Variants in UBE2B observed in about 807,000 individuals in gnomAD.
The protein encoded by UBE2B is ubiquitin-conjugating enzyme E2 B.
A neutral mutation model predicts 24.6 loss-of-function variants in UBE2B; 11 were observed. The observed-to-expected ratio is 0.45, with a 90% confidence interval of 0.28 to 0.74. UBE2B has a LOEUF of 0.74. Among genes scored for constraint, UBE2B ranks in the 30% least tolerant of loss-of-function variants. The pLI is 0.13. For missense variants in UBE2B, 78 were observed against 185.6 expected (o/e 0.42, Z 3.37); for synonymous variants, 68 against 62.4 (o/e 1.09, Z -0.42).
At chr5:134,380,998 G>A (rs1228395837) in intron 4 of UBE2B, among the ~76,000 whole-genome samples, 190 bp downstream of exon 4, 3 of 113,240 alleles carry the variant, frequency 2.6e-5, no homozygotes, top group Admixed American at 1.4e-4. Context: ...ACGGAGTCTC[G>A]CTCTGTCGCC....
chr5:134,382,304 AT>A lies in UBE2B; in HGVS notation c.241+1497del, dbSNP rs373219932. Among the ~76,000 whole-genome samples the A allele has an allele frequency of 4.7e-4, 71 of 150,954 alleles. No individual in the cohort carries two copies. The East Asian group carries it at 8.3e-3, about 18-fold the overall frequency. On this transcript the variant is annotated intron_variant, in intron 4 of 5. Transcript: ENST00000265339. ...CCCATCCCTATAAAAAACAAAAAAA[AT>A]ATCAAGGCATGGTGGCGCACACCTG...
intron 4 of UBE2B, among the ~76,000 whole-genome samples, chr5:134,385,091 A>G (rs193201609): frequency 6.6e-6 from 1 of 152,316 alleles, no homozygotes; most frequent in African/African-American, 2.4e-5. Flanking sequence ...TTTGTTCATT[A>G]GTTGATAAGA....
chr5:134,384,574 A>G (rs909399560), intron 4 of UBE2B, among the ~76,000 whole-genome samples: 1 of 152,194 alleles, frequency 6.6e-6, no homozygotes. Context: ...CACTTAAGCA[A>G]ATTTTTAAGA....
At chr5:134,388,281 A>C in intron 4 of UBE2B, 44 bp from the exon 5 acceptor site, 2 of 1,499,222 alleles carry the variant, frequency 1.3e-6, no homozygotes, top group Middle Eastern at 1.9e-4. Context: ...CTTAACTGTT[A>C]GATATGGCAG....
rs1326497477 is a variant in UBE2B at position 134,391,343 on chromosome 5, A to C, written c.*990A>C. 2.6e-5 allele frequency: 4 copies of C among 152,688 alleles called. No homozygotes were observed. The East Asian group carries it at 7.7e-4, about 29-fold the overall frequency. 9.5% of individuals were successfully genotyped at this position (152,688 alleles called of 1,614,324 possible). A position where few individuals can be genotyped will look rare whatever the true frequency, so the allele number is the denominator to read the frequency against. On this transcript the variant is annotated 3_prime_UTR_variant, in exon 6 of 6. Coordinates refer to ENST00000265339, the MANE Select transcript of UBE2B (RefSeq NM_003337.4). ...TTATTCTGGGAAATGTTTTAATGCC[A>C]GGGCCTGCTGAGTTGCTTCTTCTTG...
chr5:134,381,211 C>T (rs1758703984), intron 4 of UBE2B, among the ~76,000 whole-genome samples: 1 of 151,724 alleles, frequency 6.6e-6, no homozygotes, highest in East Asian at 1.9e-4. Context: ...TGTGATCTGC[C>T]CACCTTGGCC....
At chr5:134,386,154 C>T (rs922921393) in intron 4 of UBE2B, among the ~76,000 whole-genome samples, 1 of 150,620 alleles carries the variant, frequency 6.6e-6, no homozygotes, top group African/African-American at 2.4e-5. Flanking sequence ...TGGTAAAACC[C>T]CATCTCTACT....
intron 2 of UBE2B, 186 bp downstream of exon 2, chr5:134,374,649 G>A (rs1678979606): frequency 4.8e-6 from 3 of 621,108 alleles, no homozygotes; most frequent in Non-Finnish European, 8.2e-6. Context: ...GTAGCTCAAC[G>A]CCTGGGAGGA....
Position 134,385,856 on chromosome 5 carries a change from A to G in UBE2B, c.242-2469A>G, listed in dbSNP as rs1425837747. Among the ~76,000 whole-genome samples the G allele has an allele frequency of 2.6e-5, 4 of 151,870 alleles. No individual in the cohort carries two copies. The South Asian group carries it at 6.2e-4, about 24-fold the overall frequency. ...GTGAAACCCCGTCTTTACTAAAAAT[A>G]TAAAAAATTATCCAAGCATGGTGAT... On this transcript the variant is annotated intron_variant, in intron 4 of 5. Coordinates refer to ENST00000265339, the MANE Select transcript of UBE2B (RefSeq NM_003337.4).
chr5:134,382,997 T>G (rs1001660030), intron 4 of UBE2B, among the ~76,000 whole-genome samples: 2 of 151,694 alleles, frequency 1.3e-5, no homozygotes, highest in African/African-American at 4.8e-5. Flanking sequence ...AAACCTCATC[T>G]CTACCAAAAA....
At chr5:134,380,670 T>A in intron 3 of UBE2B, 49 bp from the exon 4 acceptor site, 2 of 1,114,406 alleles carry the variant, frequency 1.8e-6, no homozygotes, top group Non-Finnish European at 2.7e-6. Flanking sequence ...GATGAAGAGA[T>A]TAAAAAGTCG....
chr5:134,375,780 A>G (rs1410048915), intron 2 of UBE2B, among the ~76,000 whole-genome samples: 1 of 133,036 alleles, frequency 7.5e-6, no homozygotes, highest in African/African-American at 2.9e-5. Context: ...AGCCTGGGCG[A>G]CAGCGAGACT....
intron 2 of UBE2B, among the ~76,000 whole-genome samples, chr5:134,375,834 C>T (rs1469105823): frequency 7.0e-6 from 1 of 142,270 alleles, no homozygotes; most frequent in African/African-American, 2.6e-5. Context: ...AAACTTTATG[C>T]TGCTGCTTAG....
chr5:134,384,810 G>A (rs1475984383), intron 4 of UBE2B, among the ~76,000 whole-genome samples: 2 of 152,060 alleles, frequency 1.3e-5, no homozygotes, highest in Non-Finnish European at 2.9e-5. Flanking sequence ...ACAACAAAAA[G>A]CCCCATAACT....
intron 2 of UBE2B, among the ~76,000 whole-genome samples, chr5:134,376,272 A>C (rs1479190793): frequency 7.3e-6 from 1 of 136,706 alleles, no homozygotes; most frequent in Non-Finnish European, 1.6e-5. Flanking sequence ...CAGTGAGCTG[A>C]GATCATGCCA....
At chr5:134,374,250 T>C in intron 1 of UBE2B, 133 bp from the exon 2 acceptor site, 1 of 803,924 alleles carries the variant, frequency 1.2e-6, no homozygotes, top group Non-Finnish European at 2.1e-6. Context: ...TATGGTTCAT[T>C]TTAGTTCACA....
intron 4 of UBE2B, among the ~76,000 whole-genome samples, chr5:134,386,166 A>G (rs1215345460): frequency 1.4e-5 from 2 of 147,354 alleles, no homozygotes; most frequent in Non-Finnish European, 3.0e-5. Context: ...ATCTCTACTA[A>G]AAATACAAAA....
chr5:134,388,500 G>C, intron 5 of UBE2B, 87 bp downstream of exon 5: 1 of 1,201,498 alleles, frequency 8.3e-7, no homozygotes, highest in Non-Finnish European at 1.2e-6. Context: ...CAATGGCAGA[G>C]CTTGGACAAG....
At chr5:134,388,582 T>C (rs950810796) in intron 5 of UBE2B, among the ~76,000 whole-genome samples, 169 bp downstream of exon 5, 1 of 152,176 alleles carries the variant, frequency 6.6e-6, no homozygotes, top group Non-Finnish European at 1.5e-5. Flanking sequence ...GTCCCTTTCC[T>C]GATTGTGTAA....
Sources: gnomAD v4.1 joint callset for allele counts (sites outside exome capture counted in the v4.1 genomes callset) on GRCh38, gnomAD v4.1.1 for gene constraint, MANE v1.5 for transcripts, NCBI Gene and HGNC (gene_info 2026-07-23, HGNC 2026-07-21) for gene names.